The following CTNND2 variants were observed in gnomAD, a reference collection of about 807,000 sequenced individuals.
CTNND2 encodes the protein catenin delta-2.
In CTNND2, 22 loss-of-function variants were observed where a neutral mutation model predicts 144.4. The ratio of observed to expected loss-of-function variants is 0.15; its 90% confidence interval spans 0.11 to 0.22. The LOEUF is 0.22. Ranked by LOEUF, CTNND2 falls within the 10% of genes least tolerant of loss-of-function variation. CTNND2 has a pLI of 1.00. For missense variants in CTNND2, 1,353 were observed against 1,618.8 expected, an observed-to-expected ratio of 0.84 and a Z score of 2.82; for synonymous variants, 751 against 695.6, an observed-to-expected ratio of 1.08 and a Z score of -1.25.
At chr5:11,524,777 T>G (rs991635398) in intron 3 of CTNND2, among the ~76,000 whole-genome samples, 6 of 152,212 alleles carry the variant, frequency 3.9e-5, no homozygotes, top group African/African-American at 1.4e-4. Flanking sequence ...ACACTAGAGC[T>G]TGTAACGTAC....
chr5:11,708,107 T>G (rs1785814568), intron 2 of CTNND2, among the ~76,000 whole-genome samples: 1 of 151,708 alleles, frequency 6.6e-6, no homozygotes, highest in African/African-American at 2.4e-5. Context: ...AGTTCAGTGG[T>G]GTGTTCTTGG....
intron 1 of CTNND2, among the ~76,000 whole-genome samples, chr5:11,879,350 T>TATATATATATATATATATATATATAC (rs1735832222): frequency 7.3e-6 from 1 of 136,302 alleles, no homozygotes; most frequent in Non-Finnish European, 1.6e-5. Context: ...TGTATATATA[T>TATATATATATATATATATATATATAC]ATATATACAT....
At chr5:11,365,100 C>G (rs1756843347) in intron 7 of CTNND2, among the ~76,000 whole-genome samples, 1 of 152,192 alleles carries the variant, frequency 6.6e-6, no homozygotes, top group African/African-American at 2.4e-5. Flanking sequence ...TGATCTCACT[C>G]TAAAAATGAC....
intron 2 of CTNND2, among the ~76,000 whole-genome samples, chr5:11,600,827 A>C (rs10059423): frequency 0.38 from 57,753 of 151,880 alleles, 11,828 homozygotes; most frequent in Middle Eastern, 0.63. Flanking sequence ...ATAGCACAGA[A>C]ATCAGAAGGT....
intron 1 of CTNND2, among the ~76,000 whole-genome samples, chr5:11,871,504 T>C (rs1015666731): frequency 1.3e-5 from 2 of 152,328 alleles, no homozygotes; most frequent in Admixed American, 1.3e-4. Context: ...AGAGCTATCA[T>C]ATTAGAGGCA....
chr5:11,770,447 G>T (rs1321559205), intron 1 of CTNND2, among the ~76,000 whole-genome samples: 1 of 142,958 alleles, frequency 7.0e-6, no homozygotes, highest in Admixed American at 6.8e-5. Flanking sequence ...AAGGAAGGAA[G>T]GAAGGAAGGA....
Position 11,060,812 on chromosome 5 carries a change from TGAA to T in CTNND2, c.2788+21881_2788+21883del, listed in dbSNP as rs1746877984. On this transcript the variant is annotated intron_variant, in intron 16 of 21. Coordinates refer to ENST00000304623, the MANE Select transcript of CTNND2 (RefSeq NM_001332.4). ...TGTCTTCTTTATTCCAAAGTAAAAA[TGAA>T]GACAATTATGTAAGAAACCTGTCTT... Among the ~76,000 whole-genome samples, 4 of 152,280 alleles carry T rather than the reference TGAA, an allele frequency of 2.6e-5. No individual in the cohort carries two copies. In the South Asian group the frequency reaches 8.3e-4, roughly 32 times the overall value.
chr5:11,073,074 G>A (rs977603969), intron 16 of CTNND2, among the ~76,000 whole-genome samples: 7 of 152,152 alleles, frequency 4.6e-5, no homozygotes, highest in African/African-American at 1.4e-4. Context: ...CATCAGCCAG[G>A]ATGGTTTAAA....
chr5:11,356,879 G>T (rs1000960492), intron 8 of CTNND2, among the ~76,000 whole-genome samples: 1 of 150,806 alleles, frequency 6.6e-6, no homozygotes, highest in African/African-American at 2.4e-5. Flanking sequence ...GACCTTACTT[G>T]ACATTTCTCA....
intron 2 of CTNND2, among the ~76,000 whole-genome samples, chr5:11,615,400 T>G: frequency 6.6e-6 from 1 of 152,352 alleles, no homozygotes; most frequent in East Asian, 1.9e-4. Flanking sequence ...TAATTGAATT[T>G]ATACTTAAAA....
At chr5:11,190,149 A>C (rs61751810) in intron 11 of CTNND2, among the ~76,000 whole-genome samples, 1 of 152,260 alleles carries the variant, frequency 6.6e-6, no homozygotes, top group Admixed American at 6.5e-5. Context: ...TCATTGATCC[A>C]TCAGAATTAA....
At chr5:11,541,403 C>T (rs535565861) in intron 3 of CTNND2, among the ~76,000 whole-genome samples, 94 of 152,244 alleles carry the variant, frequency 6.2e-4, no homozygotes, top group Admixed American at 6.0e-3. Context: ...AAGTTCTTTT[C>T]CAAGGTCATC....
intron 9 of CTNND2, 31 bp downstream of exon 9, chr5:11,346,341 A>G (rs1481522872): frequency 2.1e-6 from 3 of 1,412,868 alleles, no homozygotes; most frequent in Non-Finnish European, 1.9e-6. Context: ...CTCTTTAGAC[A>G]TCATAGGGAA....
chr5:11,365,635 G>C (rs1164153807), intron 7 of CTNND2, among the ~76,000 whole-genome samples: 1 of 152,180 alleles, frequency 6.6e-6, no homozygotes, highest in African/African-American at 2.4e-5. Context: ...TATGGGAAGA[G>C]GTGTTGATGT....
chr5:11,302,397 C>T (rs28039), intron 9 of CTNND2, among the ~76,000 whole-genome samples: 132,967 of 152,070 alleles, frequency 0.87, 58,533 homozygotes, highest in Middle Eastern at 0.98. Context: ...GCTGAAGTCT[C>T]GGAGGGATGT....
intron 8 of CTNND2, among the ~76,000 whole-genome samples, chr5:11,353,232 C>G (rs1456798840): frequency 6.6e-6 from 1 of 152,126 alleles, no homozygotes; most frequent in Non-Finnish European, 1.5e-5. Context: ...ATGGCAGGTA[C>G]TACTATCATT....
intron 3 of CTNND2, among the ~76,000 whole-genome samples, chr5:11,514,343 A>T (rs1482379239): frequency 6.6e-6 from 1 of 152,192 alleles, no homozygotes; most frequent in Non-Finnish European, 1.5e-5. Context: ...ATCCAGGTTT[A>T]AAAAAATAAT....
chr5:10,987,601 C>T (rs1490010960), intron 20 of CTNND2, among the ~76,000 whole-genome samples: 1 of 151,374 alleles, frequency 6.6e-6, no homozygotes, highest in Non-Finnish European at 1.5e-5. Context: ...CAGTTTCATG[C>T]AGTTCCCCTT....
At chr5:11,705,272 T>C (rs914846058) in intron 2 of CTNND2, among the ~76,000 whole-genome samples, 2 of 152,224 alleles carry the variant, frequency 1.3e-5, no homozygotes, top group Non-Finnish European at 2.9e-5. Flanking sequence ...AGAAACAGAA[T>C]GTGTCTGAGC....
Sources: gnomAD v4.1 joint callset for allele counts (sites outside exome capture counted in the v4.1 genomes callset) on GRCh38, gnomAD v4.1.1 for gene constraint, MANE v1.5 for transcripts, NCBI Gene and HGNC (gene_info 2026-07-23, HGNC 2026-07-21) for gene names.